The following PTPRM variants were observed in gnomAD, a reference collection of about 807,000 sequenced individuals.
PTPRM encodes the protein protein tyrosine phosphatase receptor type M, also known as receptor-type tyrosine-protein phosphatase mu.
Under a neutral mutation model 186.7 loss-of-function variants are expected in PTPRM, and 47 were observed. The ratio of observed to expected loss-of-function variants is 0.25; its 90% CI spans 0.20 to 0.32. The LOEUF is 0.32. PTPRM is among the 10% of genes least tolerant of loss of function. PTPRM has a pLI of 1.00. For missense variants in PTPRM, 1,494 were observed against 1,865.0 expected, an observed-to-expected ratio of 0.80 and a Z score of 3.66; for synonymous variants, 668 against 674.9, an observed-to-expected ratio of 0.99 and a Z score of 0.16.
chr18:8,065,122 C>T (rs1265740817), intron 7 of PTPRM, among the ~76,000 whole-genome samples: 2 of 152,138 alleles, frequency 1.3e-5, no homozygotes, highest in Admixed American at 6.5e-5. Flanking sequence ...CCAAATATCT[C>T]TCACAGGTTC....
At chr18:7,579,864 CA>C (rs1275559703) in intron 1 of PTPRM, among the ~76,000 whole-genome samples, 1 of 152,112 alleles carries the variant, frequency 6.6e-6, no homozygotes, top group African/African-American at 2.4e-5. Flanking sequence ...TTAGGTGCCC[CA>C]TAAGGATGGA....
At chr18:8,301,687 A>G (rs2095159520) in intron 20 of PTPRM, among the ~76,000 whole-genome samples, 1 of 152,254 alleles carries the variant, frequency 6.6e-6, no homozygotes. Flanking sequence ...GCGAGAGAGC[A>G]GGGAACAAAG....
At chr18:8,253,890 G>T (rs1348652601) in intron 19 of PTPRM, among the ~76,000 whole-genome samples, 2 of 151,828 alleles carry the variant, frequency 1.3e-5, no homozygotes, top group African/African-American at 2.4e-5. Context: ...AATTTACCAG[G>T]GTCTCTTCCC....
intron 22 of PTPRM, among the ~76,000 whole-genome samples, chr18:8,336,278 G>C (rs1598348653): frequency 6.6e-6 from 1 of 152,106 alleles, no homozygotes; most frequent in African/African-American, 2.4e-5. Context: ...CTATTGTGAG[G>C]CTGGACACAG....
At chr18:7,719,284 T>G (rs1334335938) in intron 1 of PTPRM, among the ~76,000 whole-genome samples, 6 of 151,872 alleles carry the variant, frequency 4.0e-5, no homozygotes, top group African/African-American at 7.3e-5. Context: ...GTGAAGTAAC[T>G]CAGGAATGGA....
chr18:7,578,529 G>GA (rs2036755347), intron 1 of PTPRM, among the ~76,000 whole-genome samples: 1 of 151,642 alleles, frequency 6.6e-6, no homozygotes, highest in Non-Finnish European at 1.5e-5. Context: ...TAGAGATGGG[G>GA]TTTCACTGTG....
At chr18:7,949,039 G>GGTACAACTGCCCATGGGTAAT in intron 5 of PTPRM, 142 bp from the exon 6 acceptor site, 1 of 708,378 alleles carries the variant, frequency 1.4e-6, no homozygotes, top group Non-Finnish European at 2.2e-6. Flanking sequence ...CTATTCTCCT[G>GGTACAACTGCCCATGGGTAAT]GTACAACTGC....
chr18:8,219,092 T>G (rs1378618796), intron 14 of PTPRM, among the ~76,000 whole-genome samples: 1 of 152,260 alleles, frequency 6.6e-6, no homozygotes, highest in African/African-American at 2.4e-5. Flanking sequence ...ATGCAAGTTC[T>G]AATCTCCTGA....
At chr18:7,713,047 C>G (rs1568046668) in intron 1 of PTPRM, among the ~76,000 whole-genome samples, 1 of 152,048 alleles carries the variant, frequency 6.6e-6, no homozygotes, top group Non-Finnish European at 1.5e-5. Flanking sequence ...TTGAGAAGAG[C>G]AACCCCAAGA....
At chr18:8,387,453 A>G (rs1418302090) in intron 31 of PTPRM, among the ~76,000 whole-genome samples, 1 of 151,768 alleles carries the variant, frequency 6.6e-6, no homozygotes, top group Non-Finnish European at 1.5e-5. Context: ...CGCACAAGCA[A>G]GCACTGACCG....
At chr18:7,632,073 C>A (rs1042630364) in intron 1 of PTPRM, among the ~76,000 whole-genome samples, 1 of 152,122 alleles carries the variant, frequency 6.6e-6, no homozygotes, top group Non-Finnish European at 1.5e-5. Flanking sequence ...AACTAAATAG[C>A]CTAAGTAGGA....
chr18:7,711,421 C>A (rs1408893855), intron 1 of PTPRM, among the ~76,000 whole-genome samples: 1 of 152,180 alleles, frequency 6.6e-6, no homozygotes, highest in Non-Finnish European at 1.5e-5. Flanking sequence ...GGGCAGACAC[C>A]GAGCTAGCTG....
rs139286018 is a variant in PTPRM at position 7,996,990 on chromosome 18, G to T, written c.1132+41576G>T. 3.3e-5 allele frequency among the ~76,000 whole-genome samples: 5 copies of T among 152,054 alleles called. No individual in the cohort carries two copies. In the East Asian group the frequency reaches 9.6e-4, roughly 29 times the overall value. On this transcript the variant is annotated intron_variant, in intron 7 of 32. Transcript: ENST00000580170. Reference sequence around the variant, plus strand: ...ACCTAAAGCAATCCATAGATTCATTGCAATCCCTAACAAAATACAAATGAC... The same window carrying T: ...ACCTAAAGCAATCCATAGATTCATTTCAATCCCTAACAAAATACAAATGAC...
rs922770976 is a variant in PTPRM, at chr18:7,653,246, A to T, written c.73+85355A>T. Among the ~76,000 whole-genome samples the T allele has an allele frequency of 2.8e-4, 42 of 151,762 alleles. 1 individual carries two copies. Among genetic ancestry groups the T allele is most frequent in the African/African-American group, 1.0e-3 (42 of 41,292 alleles). ...ACTGCTTTCTCGACCTCCTGAGCTC[A>T]TGTGATCCTCCCAGGTCAGCCTCCC... On this transcript the variant is annotated intron_variant, in intron 1 of 32. Coordinates refer to ENST00000580170, the MANE Select transcript of PTPRM (RefSeq NM_001105244.2).
At chr18:7,939,834 A>T (rs34580701) in intron 5 of PTPRM, among the ~76,000 whole-genome samples, 1 of 152,194 alleles carries the variant, frequency 6.6e-6, no homozygotes, top group African/African-American at 2.4e-5. Context: ...CTGTCACGCT[A>T]TTAAGAATGT....
intron 23 of PTPRM, among the ~76,000 whole-genome samples, chr18:8,349,994 G>T (rs1281609704): frequency 6.6e-6 from 1 of 152,176 alleles, no homozygotes; most frequent in African/African-American, 2.4e-5. Context: ...AGACAGAAAG[G>T]TGAAGGAAAC....
At chr18:8,153,572 C>G (rs1185914398) in intron 14 of PTPRM, among the ~76,000 whole-genome samples, 2 of 152,096 alleles carry the variant, frequency 1.3e-5, no homozygotes, top group Non-Finnish European at 2.9e-5. Context: ...GATGAATTAG[C>G]CAGTATACCA....
chr18:7,888,403 T>C, intron 3 of PTPRM, 26 bp downstream of exon 3: 5 of 1,540,886 alleles, frequency 3.2e-6, no homozygotes, highest in Non-Finnish European at 4.4e-6. Flanking sequence ...TTATTACATA[T>C]TTTGAAGCAT....
chr18:8,222,730 C>G (rs1490668974), intron 14 of PTPRM, among the ~76,000 whole-genome samples: 1 of 152,206 alleles, frequency 6.6e-6, no homozygotes, highest in Non-Finnish European at 1.5e-5. Flanking sequence ...AGCTTTGCCT[C>G]CAAGGCATTC....
Sources: allele counts gnomAD v4.1 joint callset (sites outside exome capture counted in the v4.1 genomes callset), GRCh38; gene constraint gnomAD v4.1.1; transcripts MANE v1.5; gene names NCBI Gene and HGNC (gene_info 2026-07-23, HGNC 2026-07-21).